PRKN: variants seen among roughly 807,000 people sequenced by gnomAD.
The protein encoded by PRKN is parkin RBR E3 ubiquitin protein ligase.
A neutral mutation model predicts 59.5 loss-of-function variants in PRKN; 56 were observed. That is an observed-to-expected ratio of 0.94 (90% confidence interval 0.76 to 1.18). PRKN has a LOEUF of 1.18. Ranked by LOEUF, PRKN falls within the 50% of genes most tolerant of loss-of-function variation. The probability of loss-of-function intolerance (pLI) is 0.00; values close to 1 mark genes in which losing one functional copy is unlikely to be tolerated. For missense variants in PRKN, 657 were observed against 596.4 expected (o/e 1.10, Z -1.06); for synonymous variants, 250 against 222.1 (o/e 1.13, Z -1.12).
chr6:162,072,923 C>A (rs117411227), intron 4 of PRKN, among the ~76,000 whole-genome samples: 6,608 of 152,216 alleles, frequency 0.043, 192 homozygotes, highest in Middle Eastern at 0.065. Context: ...CACAGTAGAA[C>A]AATATCATCA....
intron 3 of PRKN, among the ~76,000 whole-genome samples, chr6:162,258,047 C>T (rs1004499961): frequency 6.6e-6 from 1 of 152,166 alleles, no homozygotes; most frequent in Non-Finnish European, 1.5e-5. Context: ...CTGGGGCTCA[C>T]GAGTTGCTGT....
chr6:161,607,002 G>T (rs1484973847), intron 7 of PRKN, among the ~76,000 whole-genome samples: 1 of 152,186 alleles, frequency 6.6e-6, no homozygotes, highest in Non-Finnish European at 1.5e-5. Context: ...TTACATGGAT[G>T]ACTGCATGTT....
intron 1 of PRKN, among the ~76,000 whole-genome samples, chr6:162,639,677 T>C (rs1777885158): frequency 1.9e-5 from 1 of 51,352 alleles, no homozygotes. Context: ...AAACACTCAG[T>C]AGTTGCTCCA....
chr6:162,096,835 T>A (rs984777527), intron 4 of PRKN, among the ~76,000 whole-genome samples: 1 of 145,022 alleles, frequency 6.9e-6, no homozygotes, highest in African/African-American at 2.6e-5. Flanking sequence ...GAGAATGGAC[T>A]CATACAGCTG....
At chr6:162,564,200 C>T (rs1479076973) in intron 1 of PRKN, among the ~76,000 whole-genome samples, 1 of 151,870 alleles carries the variant, frequency 6.6e-6, no homozygotes, top group East Asian at 1.9e-4. Flanking sequence ...CAAAAATTAG[C>T]CAGGTGTGGT....
In PRKN at chr6:161,445,155, G is replaced by A. The variant is rs1789426225; in HGVS notation, c.1084-58278C>T. Among the ~76,000 whole-genome samples the A allele has an allele frequency of 6.6e-6, 1 of 152,134 alleles. No individual in the cohort carries two copies. The highest frequency in any genetic ancestry group is 2.1e-4 in the South Asian group (1 of 4,828). On this transcript the variant is annotated intron_variant, in intron 9 of 11. Coordinates refer to ENST00000366898, the MANE Select transcript of PRKN (RefSeq NM_004562.3). This position sits in a 1 kb window ranked among gnomAD's most constrained non-coding sequence, Gnocchi z 7.7. Reference sequence around the variant, plus strand: ...TGCTCAGCCTCTCCAAAGCCGCGGCGCTGACACAGCTCCCCCTGCACGAGT... The same window carrying A: ...TGCTCAGCCTCTCCAAAGCCGCGGCACTGACACAGCTCCCCCTGCACGAGT...
chr6:162,201,104 T>C (rs1784710252), intron 4 of PRKN, 27 bp downstream of exon 4: 1 of 1,613,206 alleles, frequency 6.2e-7, no homozygotes, highest in Admixed American at 1.7e-5. Context: ...TTCCTGGCAG[T>C]CTCATGCTGA....
At chr6:161,890,619 G>A (rs1021398954) in intron 6 of PRKN, among the ~76,000 whole-genome samples, 13 of 152,150 alleles carry the variant, frequency 8.5e-5, no homozygotes, top group African/African-American at 3.1e-4. Flanking sequence ...TCCTAACAGA[G>A]TTGGGAAGAC....
rs1364596709 is a variant in PRKN, at chr6:162,118,055, T to C, written c.535-63881A>G. Among the ~76,000 whole-genome samples, 6 of 151,980 alleles carry C rather than the reference T, an allele frequency of 3.9e-5. No homozygotes were observed. In the South Asian group the frequency reaches 1.0e-3, roughly 26 times the overall value. On this transcript the variant is annotated intron_variant, in intron 4 of 11. Transcript: ENST00000366898. The stretch of plus-strand genomic sequence containing the variant: ...AGCTTGCAGTGAGCCAAGATCACGC[T>C]GTTGCACTCCAGTCTGGGCGACAAG...
chr6:162,188,663 C>A (rs1037168801), intron 4 of PRKN, among the ~76,000 whole-genome samples: 1 of 151,984 alleles, frequency 6.6e-6, no homozygotes, highest in Non-Finnish European at 1.5e-5. Context: ...AATACTCTGT[C>A]CCTTTTTAAT....
At chr6:161,641,678 C>G (rs1249060819) in intron 7 of PRKN, among the ~76,000 whole-genome samples, 1 of 152,158 alleles carries the variant, frequency 6.6e-6, no homozygotes, top group East Asian at 1.9e-4. Context: ...GCAAGGAGAA[C>G]CCATTGGGCA....
At position 162,298,170 on chromosome 6, in the gene PRKN, GGAGAGA is replaced by G. The variant is rs113066522; in HGVS notation, c.172-35411_172-35406del. Among the ~76,000 whole-genome samples the G allele has an allele frequency of 2.7e-5, 4 of 148,888 alleles. No individual in the cohort carries two copies. In the East Asian group the frequency reaches 6.0e-4, roughly 22 times the overall value. Reference sequence around the variant, plus strand: ...GGAGGTCAATGGGTACAGACGGAGGGGAGAGAGAGAGAGAGAGAGAGAGAAATTGAC... The same window carrying G: ...GGAGGTCAATGGGTACAGACGGAGGGGAGAGAGAGAGAGAGAGAAATTGAC... On this transcript the variant is annotated intron_variant, in intron 2 of 11. Transcript: ENST00000366898.
At chr6:162,475,831 A>G (rs1270801612) in intron 1 of PRKN, among the ~76,000 whole-genome samples, 1 of 152,248 alleles carries the variant, frequency 6.6e-6, no homozygotes, top group East Asian at 1.9e-4. Context: ...AGCTCACTGC[A>G]ACCTCCGCCT....
intron 6 of PRKN, among the ~76,000 whole-genome samples, chr6:161,941,965 GT>G (rs1779583947): frequency 6.6e-6 from 1 of 152,146 alleles, no homozygotes; most frequent in Non-Finnish European, 1.5e-5. Context: ...TTTGGTCCAA[GT>G]TTTCAGTTAA....
At chr6:162,141,553 T>C (rs1225389286) in intron 4 of PRKN, among the ~76,000 whole-genome samples, 4 of 152,222 alleles carry the variant, frequency 2.6e-5, no homozygotes, top group Non-Finnish European at 5.9e-5. Flanking sequence ...TTTGCTTTAT[T>C]GATTATGTAT....
At chr6:162,674,735 T>C (rs1035446057) in intron 1 of PRKN, among the ~76,000 whole-genome samples, 3 of 152,038 alleles carry the variant, frequency 2.0e-5, no homozygotes, top group Non-Finnish European at 2.9e-5. Flanking sequence ...GGAAGACAGA[T>C]TGGATTTAGA....
intron 5 of PRKN, among the ~76,000 whole-genome samples, chr6:162,053,068 C>T (rs1429352406): frequency 4.6e-5 from 7 of 152,180 alleles, no homozygotes; most frequent in African/African-American, 1.7e-4. Flanking sequence ...CCTCAAAAAT[C>T]TGTGAGTGAC....
chr6:162,319,395 T>G (rs983567687), intron 2 of PRKN, among the ~76,000 whole-genome samples: 4 of 152,006 alleles, frequency 2.6e-5, no homozygotes, highest in African/African-American at 4.8e-5. Flanking sequence ...CTCTTCATCG[T>G]CCGTTGCTGC....
intron 2 of PRKN, among the ~76,000 whole-genome samples, chr6:162,429,409 G>C (rs938272287): frequency 5.9e-5 from 9 of 152,118 alleles, no homozygotes; most frequent in African/African-American, 2.2e-4. Context: ...TGATCAGCTA[G>C]AGCAGTGAAA....
Sources: allele counts gnomAD v4.1 joint callset (sites outside exome capture counted in the v4.1 genomes callset), GRCh38; gene constraint gnomAD v4.1.1; non-coding constraint Gnocchi (gnomAD v3.1); transcripts MANE v1.5; gene names NCBI Gene and HGNC (gene_info 2026-07-23, HGNC 2026-07-21).